Variants in KCNN2 observed in about 807,000 individuals in gnomAD.
The protein encoded by KCNN2 is potassium calcium-activated channel subfamily N member 2, also known as small conductance calcium-activated potassium channel protein 2.
KCNN2 carries 24 observed loss-of-function variants against 55.5 expected under a neutral mutation model. The ratio of observed to expected loss-of-function variants is 0.43; its 90% confidence interval spans 0.31 to 0.61. The LOEUF is 0.61. KCNN2 is among the 20% of genes least tolerant of loss of function. The pLI, the probability that KCNN2 is intolerant of heterozygous loss-of-function variation, is 0.08. For synonymous variants in KCNN2, 431 were observed against 336.1 expected, an observed-to-expected ratio of 1.28 and a Z score of -3.09; for missense variants, 754 against 853.6, an observed-to-expected ratio of 0.88 and a Z score of 1.45.
chr5:114,213,361 C>G (rs570821498), intron 1 of KCNN2, among the ~76,000 whole-genome samples: 11 of 151,612 alleles, frequency 7.3e-5, no homozygotes, highest in Non-Finnish European at 1.2e-4. Context: ...CTTCCCAGAT[C>G]TCTCCAGATA....
upstream of KCNN2, among the ~76,000 whole-genome samples, chr5:114,357,697 CATT>C (rs1250967259): frequency 8.5e-6 from 1 of 117,496 alleles, no homozygotes; most frequent in Non-Finnish European, 1.7e-5. Context: ...TCCAGTCTAT[CATT>C]GTTGGACATT....
intron 1 of KCNN2, among the ~76,000 whole-genome samples, chr5:114,167,855 A>C (rs1480078271): frequency 1.3e-5 from 2 of 152,106 alleles, no homozygotes; most frequent in Non-Finnish European, 2.9e-5. Flanking sequence ...CAACCACTGA[A>C]CTTCTTTCTG....
intron 1 of KCNN2, among the ~76,000 whole-genome samples, chr5:114,074,981 A>C (rs967129): frequency 0.3 from 45,064 of 152,044 alleles, 6,887 homozygotes; most frequent in Middle Eastern, 0.37. Context: ...GAGCCACCAG[A>C]CACAAGAAGG....
intron 1 of KCNN2, among the ~76,000 whole-genome samples, chr5:114,216,467 T>C (rs771540335): frequency 2.6e-5 from 4 of 152,170 alleles, no homozygotes; most frequent in Non-Finnish European, 5.9e-5. Context: ...CACAATGTTG[T>C]CATTGGACCA....
At chr5:114,400,379 G>T (rs1758751039) in intron 2 of KCNN2, among the ~76,000 whole-genome samples, 1 of 152,164 alleles carries the variant, frequency 6.6e-6, no homozygotes, top group Non-Finnish European at 1.5e-5. Context: ...AGGTGACGAG[G>T]TACAACAACC....
At chr5:114,275,114 C>G (rs1755456624) in intron 2 of KCNN2, among the ~76,000 whole-genome samples, 2 of 152,162 alleles carry the variant, frequency 1.3e-5, no homozygotes, top group Admixed American at 1.3e-4. Context: ...GTCATTCGAT[C>G]TGTTTATGTG....
chr5:114,088,278 G>T (rs1389883890), intron 1 of KCNN2, among the ~76,000 whole-genome samples: 1 of 151,570 alleles, frequency 6.6e-6, no homozygotes, highest in African/African-American at 2.4e-5. Flanking sequence ...AATATGTCTT[G>T]TTTCTCTGGG....
chr5:114,464,080 C>T (rs142198427), intron 4 of KCNN2, among the ~76,000 whole-genome samples: 115 of 152,240 alleles, frequency 7.6e-4, no homozygotes, highest in South Asian at 7.1e-3. Context: ...GACATGCCAT[C>T]GTTCTTCTGG....
intron 1 of KCNN2, among the ~76,000 whole-genome samples, chr5:114,210,754 C>T (rs1753865892): frequency 6.6e-6 from 1 of 151,996 alleles, no homozygotes; most frequent in Non-Finnish European, 1.5e-5. Flanking sequence ...TAGTTTATGC[C>T]TCAATTATTA....
intron 1 of KCNN2, among the ~76,000 whole-genome samples, chr5:114,167,100 G>A (rs1481054761): frequency 6.6e-6 from 1 of 152,086 alleles, no homozygotes; most frequent in Non-Finnish European, 1.5e-5. Context: ...CCTCAGCTGA[G>A]ATCCTAAACA....
At chr5:114,280,017 C>T (rs1209146722) in intron 2 of KCNN2, among the ~76,000 whole-genome samples, 6 of 152,098 alleles carry the variant, frequency 3.9e-5, no homozygotes, top group Non-Finnish European at 5.9e-5. Context: ...TGGTATCTCA[C>T]TGTGGTTTTG....
intron 1 of KCNN2, among the ~76,000 whole-genome samples, chr5:114,085,219 A>G (rs1750989768): frequency 6.6e-6 from 1 of 151,812 alleles, no homozygotes; most frequent in Non-Finnish European, 1.5e-5. Context: ...CCCTTTCCAT[A>G]TAAACTTTAG....
intron 1 of KCNN2, among the ~76,000 whole-genome samples, chr5:114,168,388 C>G (rs1437774919): frequency 6.6e-6 from 1 of 151,992 alleles, no homozygotes; most frequent in Admixed American, 6.6e-5. Flanking sequence ...GCTACTTTAT[C>G]TCCTCAATTT....
intron 1 of KCNN2, among the ~76,000 whole-genome samples, chr5:114,100,550 G>C (rs899035707): frequency 6.6e-6 from 1 of 151,994 alleles, no homozygotes; most frequent in African/African-American, 2.4e-5. Flanking sequence ...CTTCTTGGGT[G>C]TATCAGTATG....
At chr5:114,301,628 G>T (rs186658264) in intron 2 of KCNN2, among the ~76,000 whole-genome samples, 1 of 152,104 alleles carries the variant, frequency 6.6e-6, no homozygotes, top group African/African-American at 2.4e-5. Context: ...ACAAGCCAGC[G>T]TGGGAGCCAA....
intron 1 of KCNN2, among the ~76,000 whole-genome samples, chr5:114,198,216 T>G (rs950613708): frequency 1.3e-4 from 20 of 151,658 alleles, no homozygotes; most frequent in African/African-American, 4.8e-4. Context: ...AGATAACACT[T>G]TAACCTGCTC....
chr5:114,348,820 A>G (rs1003402852), intron 2 of KCNN2, among the ~76,000 whole-genome samples: 1 of 152,164 alleles, frequency 6.6e-6, no homozygotes. Flanking sequence ...CCTAACCAAT[A>G]TTCATTTTAA....
At chr5:114,389,201 T>C (rs1369126183) in intron 2 of KCNN2, among the ~76,000 whole-genome samples, 1 of 152,162 alleles carries the variant, frequency 6.6e-6, no homozygotes, top group East Asian at 1.9e-4. Context: ...GCACCTGTTT[T>C]TTCCCCATTG....
intron 1 of KCNN2, among the ~76,000 whole-genome samples, chr5:114,088,165 T>A (rs1751056009): frequency 6.6e-6 from 1 of 152,166 alleles, no homozygotes; most frequent in Admixed American, 6.5e-5. Flanking sequence ...ATTTATAGTT[T>A]TTCTCTTTCA....
Sources: allele counts gnomAD v4.1 joint callset (sites outside exome capture counted in the v4.1 genomes callset), GRCh38; gene constraint gnomAD v4.1.1; transcripts MANE v1.5; gene names NCBI Gene and HGNC (gene_info 2026-07-23, HGNC 2026-07-21).